The following ZNF273 variants were observed in gnomAD, a reference collection of about 807,000 sequenced individuals.
ZNF273 encodes the protein zinc finger protein 9.
Under a neutral mutation model 14.9 loss-of-function variants are expected in ZNF273, and 11 were observed. The ratio of observed to expected loss-of-function variants is 0.74; its 90% CI spans 0.46 to 1.22. The LOEUF (loss-of-function observed/expected upper bound fraction) is 1.22. Ranked by LOEUF, ZNF273 falls within the 50% of genes most tolerant of loss-of-function variation. ZNF273 has a pLI of 0.00. For missense variants in ZNF273, 577 were observed against 660.6 expected (o/e 0.87, Z 1.39); for synonymous variants, 199 against 223.9 (o/e 0.89, Z 0.99).
At chr7:64,914,903 G>T (rs191254047) in intron 1 of ZNF273, among the ~76,000 whole-genome samples, 1 of 144,108 alleles carries the variant, frequency 6.9e-6, no homozygotes, top group East Asian at 2.1e-4. Context: ...CAGAGAAGGA[G>T]GAGAAAAGGG....
intron 1 of ZNF273, among the ~76,000 whole-genome samples, chr7:64,913,617 G>A (rs919817087): frequency 6.6e-6 from 1 of 152,198 alleles, no homozygotes; most frequent in Non-Finnish European, 1.5e-5. Context: ...GAGATGGATT[G>A]TCTTCACTTG....
In ZNF273 at chr7:64,903,366, G is replaced by A; in HGVS notation, c.49G>A (p.Gly17Ser). The change falls in exon 1 of 4, where the codon GGT becomes AGT. Residue 17 changes from glycine (G) to serine (S), a missense_variant. Around this residue, in one of 3 missense-constraint regions of ZNF273, gnomAD observed 162 missense variants for 203.5 expected, o/e 0.80. Coordinates refer to ENST00000476120, the MANE Select transcript of ZNF273 (RefSeq NM_021148.3). ...GPPSVAPLPA[G>S]IGRSTAKTPG... ...ACCTTCTGTGGCCCCGTTACCTGCA[G>A]GTATTGGGAGATCCACAGCTAAGAC... 2 of 1,613,638 alleles carry A rather than the reference G, an allele frequency of 1.2e-6. No individual in the cohort carries two copies. Among genetic ancestry groups the A allele is most frequent in the Non-Finnish European group, 1.7e-6 (2 of 1,179,676 alleles).
At chr7:64,932,580 A>G (rs934441475), downstream of ZNF273, among the ~76,000 whole-genome samples, 5 of 152,144 alleles carry the variant, frequency 3.3e-5, no homozygotes, top group Non-Finnish European at 7.4e-5. Context: ...CTGGGATTAC[A>G]GGCGCGAGCC....
At chr7:64,910,003 G>A (rs1793378684) in intron 1 of ZNF273, among the ~76,000 whole-genome samples, 1 of 151,442 alleles carries the variant, frequency 6.6e-6, no homozygotes, top group Non-Finnish European at 1.5e-5. Flanking sequence ...AAGAACATCT[G>A]TTCATGCTTT....
Position 64,905,535 on chromosome 7 carries a change from G to A in ZNF273, c.102+2116G>A, listed in dbSNP as rs559471801. On this transcript the variant is annotated intron_variant, in intron 1 of 3. Coordinates refer to ENST00000476120, the MANE Select transcript of ZNF273 (RefSeq NM_021148.3). The stretch of plus-strand genomic sequence containing the variant: ...ATTGCTGGTCAGCCAATCAGATGCT[G>A]GTATTAAGGGGAAAACAAATAATTT... Among the ~76,000 whole-genome samples, 88 of 147,450 alleles carry A rather than the reference G, an allele frequency of 6.0e-4. 2 individuals are homozygous for A. The highest frequency in any genetic ancestry group is 4.0e-4 in the East Asian group (2 of 5,018).
At chr7:64,897,451 C>G (rs1319926523) in exon 4 of ZNF273, 1 of 151,984 alleles carries the variant, frequency 6.6e-6, no homozygotes, top group African/African-American at 2.4e-5. Context: ...CTCAGCCTCC[C>G]GAGTAGCTGG....
intron 3 of ZNF273, among the ~76,000 whole-genome samples, chr7:64,926,444 T>A (rs1440290462): frequency 1.3e-5 from 2 of 152,104 alleles, no homozygotes; most frequent in East Asian, 3.8e-4. Context: ...CCTTAACAAT[T>A]TGTTTTTGAT....
chr7:64,920,316 A>G (rs962452633), intron 3 of ZNF273, among the ~76,000 whole-genome samples: 5 of 152,062 alleles, frequency 3.3e-5, no homozygotes, highest in African/African-American at 9.7e-5. Flanking sequence ...TGGGCCTTTT[A>G]TTAGGATATG....
At chr7:64,891,165 A>T (rs914558144), downstream of ZNF273, among the ~76,000 whole-genome samples, 18 of 152,158 alleles carry the variant, frequency 1.2e-4, no homozygotes, top group African/African-American at 4.3e-4. Context: ...GCAGCTGGAC[A>T]AGTTATGACT....
At chr7:64,931,307 A>G (rs1794987099), downstream of ZNF273, among the ~76,000 whole-genome samples, 1 of 152,270 alleles carries the variant, frequency 6.6e-6, no homozygotes, top group South Asian at 2.1e-4. Context: ...GTAAAATATT[A>G]TGGCTTATGG....
downstream of ZNF273, among the ~76,000 whole-genome samples, chr7:64,890,929 G>C (rs565134065): frequency 6.6e-6 from 1 of 152,352 alleles, no homozygotes; most frequent in South Asian, 2.1e-4. Flanking sequence ...ACAGCCACAA[G>C]CCTTTGTTGG....
downstream of ZNF273, among the ~76,000 whole-genome samples, chr7:64,883,861 G>C (rs1419018477): frequency 1.3e-5 from 2 of 152,178 alleles, no homozygotes; most frequent in African/African-American, 4.8e-5. Context: ...GTTCACAGAG[G>C]ACGACCCTCA....
At chr7:64,895,073 GT>G (rs575811922) in intron 3 of ZNF273, among the ~76,000 whole-genome samples, 36 of 152,170 alleles carry the variant, frequency 2.4e-4, no homozygotes, top group African/African-American at 7.0e-4. Context: ...GGAGGCAGAG[GT>G]TGCAGTGAGC....
the ZNF273 span, among the ~76,000 whole-genome samples, chr7:64,936,134 T>C: frequency 6.6e-6 from 1 of 152,210 alleles, no homozygotes; most frequent in Admixed American, 6.5e-5. Flanking sequence ...CATACACATA[T>C]TATTATTCTC....
intron 3 of ZNF273, among the ~76,000 whole-genome samples, chr7:64,919,663 T>C (rs186726310): frequency 5.7e-4 from 87 of 152,264 alleles, no homozygotes; most frequent in East Asian, 2.5e-3. Flanking sequence ...TTAAATTTCT[T>C]CTCAGAAATT....
downstream of ZNF273, among the ~76,000 whole-genome samples, chr7:64,894,769 G>A (rs1219578856): frequency 6.6e-6 from 1 of 152,048 alleles, no homozygotes; most frequent in Non-Finnish European, 1.5e-5. Flanking sequence ...TTTAACTACA[G>A]TGATGGGCAT....
chr7:64,912,774 T>C (rs573908407), intron 1 of ZNF273, among the ~76,000 whole-genome samples: 2 of 151,046 alleles, frequency 1.3e-5, no homozygotes, highest in East Asian at 3.9e-4. Context: ...GTAAATCATA[T>C]GAACAGCTAA....
At chr7:64,917,833 G>C in intron 2 of ZNF273, 126 bp downstream of exon 2, 2 of 1,070,288 alleles carry the variant, frequency 1.9e-6, no homozygotes, top group Non-Finnish European at 2.6e-6. Flanking sequence ...CTGGGGATTT[G>C]TTCATTTAGA....
At chr7:64,924,982 T>C (rs1156665880) in intron 3 of ZNF273, among the ~76,000 whole-genome samples, 1 of 152,052 alleles carries the variant, frequency 6.6e-6, no homozygotes, top group Non-Finnish European at 1.5e-5. Flanking sequence ...TTTGTATTTT[T>C]AGAAGAGATG....
Sources: gnomAD v4.1 joint callset for allele counts (sites outside exome capture counted in the v4.1 genomes callset) on GRCh38, gnomAD v4.1.1 for gene constraint, gnomAD v4.1.1 regional missense constraint, MANE v1.5 for transcripts, NCBI Gene and HGNC (gene_info 2026-07-23, HGNC 2026-07-21) for gene names.